The following KNG1 variants were observed in gnomAD, a reference collection of about 807,000 sequenced individuals.
The protein encoded by KNG1 is kininogen 1.
A neutral mutation model predicts 47.8 loss-of-function variants in KNG1; 23 were observed. That is an observed-to-expected ratio of 0.48 (90% confidence interval 0.35 to 0.68). KNG1 has a LOEUF of 0.68. KNG1 is among the 30% of genes least tolerant of loss of function. KNG1 has a pLI of 0.01. For synonymous variants in KNG1, 277 were observed against 277.0 expected, an observed-to-expected ratio of 1.00 and a Z score of 0.00; for missense variants, 762 against 790.2, an observed-to-expected ratio of 0.96 and a Z score of 0.43.
chr3:186,743,751 G>C lies in KNG1; in HGVS notation c.*1420G>C. The C allele has an allele frequency of 1.9e-6, 3 of 1,614,138 alleles. No individual in the cohort carries two copies. Among genetic ancestry groups the C allele is most frequent in the Non-Finnish European group, 2.5e-6 (3 of 1,180,010 alleles). On this transcript the variant is annotated 3_prime_UTR_variant, in exon 10 of 10. Transcript: ENST00000644859. ...TACAAGGGTCGACCCCCAAAGGCAG[G>C]GGCAGAGCCAGCATCTGAGAGGGAG... is the stretch of plus-strand genomic sequence containing the variant.
chr3:186,743,932 C>T lies in KNG1; in HGVS notation c.*1601C>T. The T allele has an allele frequency of 2.8e-6, 2 of 710,106 alleles. No homozygotes were observed. Among genetic ancestry groups the T allele is most frequent in the South Asian group, 3.0e-5 (2 of 66,118 alleles). The allele number at this position is 710,106 out of a possible 1,614,324, so 44.0% of individuals were successfully genotyped here. On this transcript the variant is annotated 3_prime_UTR_variant, in exon 10 of 10. Coordinates refer to ENST00000644859, the MANE Select transcript of KNG1 (RefSeq NM_001102416.3). ...CTCTGCCTCTGGGTGAAATAAAGAT[C>T]AGTCTTGATGTTCTAACTCTAATTC...
At chr3:186,723,901 G>T (rs369797193) in intron 3 of KNG1, among the ~76,000 whole-genome samples, 5 of 152,094 alleles carry the variant, frequency 3.3e-5, no homozygotes, top group South Asian at 2.1e-4. Context: ...TGATCCACCC[G>T]CCTCGGCCTC....
rs369714755 is a variant in KNG1, at chr3:186,734,948, A to C, written c.930+2274A>C. ...CTGTATTACTTTTGTAACTGAAAAA[A>C]AGTAAACAAACTAGATTAAAGTAAA... On this transcript the variant is annotated intron_variant, in intron 7 of 9. Transcript: ENST00000644859. 18 of 152,300 alleles carry C rather than the reference A, an allele frequency of 1.2e-4. 1 individual carries two copies. The highest frequency in any genetic ancestry group is 4.3e-4 in the African/African-American group (18 of 41,582). 9.4% of individuals were successfully genotyped at this position (152,300 alleles called of 1,614,324 possible).
intron 7 of KNG1, 140 bp from the exon 8 acceptor site, chr3:186,738,959 C>A (rs1720734692): frequency 1.4e-6 from 1 of 734,062 alleles, no homozygotes; most frequent in Non-Finnish European, 2.3e-6. Context: ...AGCTTTAATG[C>A]CAAACGTGTA....
At chr3:186,730,897 AT>A (rs1028820570) in intron 5 of KNG1, among the ~76,000 whole-genome samples, 33 of 151,498 alleles carry the variant, frequency 2.2e-4, no homozygotes, top group African/African-American at 7.5e-4. Flanking sequence ...GTTCTTGTTT[AT>A]TTTTTATTCA....
chr3:186,721,160 G>A (rs1720186798), intron 2 of KNG1: 1 of 152,136 alleles, frequency 6.6e-6, no homozygotes, highest in South Asian at 2.1e-4. Context: ...TCTTTTCATG[G>A]ATTGATTCCC....
chr3:186,720,988 A>G (rs1720179571), intron 2 of KNG1, among the ~76,000 whole-genome samples: 2 of 151,772 alleles, frequency 1.3e-5, no homozygotes, highest in South Asian at 4.2e-4. Flanking sequence ...ACCGGGTTTC[A>G]CCGTGTTAGC....
chr3:186,732,841 C>A (rs560622883), intron 7 of KNG1, among the ~76,000 whole-genome samples, 167 bp downstream of exon 7: 4 of 152,202 alleles, frequency 2.6e-5, no homozygotes, highest in African/African-American at 9.6e-5. Context: ...ATGCTTCATC[C>A]CGGACAAGTA....
chr3:186,729,610 AAAACACCTAG>A (rs1192697835), intron 5 of KNG1, among the ~76,000 whole-genome samples: 1 of 152,228 alleles, frequency 6.6e-6, no homozygotes, highest in Non-Finnish European at 1.5e-5. Context: ...CCACTTATAT[AAAACACCTAG>A]AATAGGCAAA....
At chr3:186,740,624 C>A (rs1422220579) in intron 9 of KNG1, among the ~76,000 whole-genome samples, 1 of 152,202 alleles carries the variant, frequency 6.6e-6, no homozygotes, top group Non-Finnish European at 1.5e-5. Context: ...TCTTTTCCCT[C>A]TTTTCTGATT....
intron 6 of KNG1, 66 bp from the exon 7 acceptor site, chr3:186,732,436 C>T: frequency 1.4e-6 from 2 of 1,466,344 alleles, no homozygotes; most frequent in Non-Finnish European, 1.9e-6. Flanking sequence ...GGTTCTTGTG[C>T]AGGAGGGATG....
rs550637261 is a variant in KNG1, at chr3:186,742,614, G to T, written c.*283G>T. On this transcript the variant is annotated 3_prime_UTR_variant, in exon 10 of 10. Transcript: ENST00000644859. ...ATGTGCCGTATGGCCTGCTGCAATT[G>T]GCTTCTCTGATAACAAATATGTACC... is the stretch of plus-strand genomic sequence containing the variant. 2.5e-4 allele frequency: 311 copies of T among 1,245,844 alleles called. No homozygotes were observed. The highest frequency in any genetic ancestry group is 1.3e-3 in the Middle Eastern group (4 of 3,064). The allele number at this position is 1,245,844 out of a possible 1,614,324, so 77.2% of individuals were successfully genotyped here. A position where few individuals can be genotyped will look rare whatever the true frequency, so the allele number is the denominator to read the frequency against.
Position 186,717,488 on chromosome 3 carries a change from G to A in KNG1, c.-55G>A. The A allele has an allele frequency of 7.7e-7, 1 of 1,293,830 alleles. No homozygotes were observed. Among genetic ancestry groups the A allele is most frequent in the Non-Finnish European group, 1.1e-6 (1 of 890,604 alleles). 80.1% of individuals were successfully genotyped at this position (1,293,830 alleles called of 1,614,324 possible). A position where few individuals can be genotyped will look rare whatever the true frequency, so the allele number is the denominator to read the frequency against. On this transcript the variant is annotated 5_prime_UTR_variant, in exon 1 of 10. Transcript: ENST00000644859. ...ATTGTCAAATTCAGTATCCCAGTTG[G>A]CTCTTGATTCTTGGTGAAACCATCC...
intron 5 of KNG1, chr3:186,729,137 A>G (rs1351079181): frequency 6.6e-6 from 1 of 152,254 alleles, no homozygotes; most frequent in Non-Finnish European, 1.5e-5. Flanking sequence ...TTTAACATGC[A>G]GAATATATAA....
At chr3:186,735,628 T>TA (rs112864504) in intron 7 of KNG1, among the ~76,000 whole-genome samples, 42 of 140,990 alleles carry the variant, frequency 3.0e-4, no homozygotes, top group East Asian at 6.4e-4. Flanking sequence ...CAAAAAATAA[T>TA]AAAAAAAAAA....
chr3:186,727,213 A>G (rs1362105457), intron 4 of KNG1, 24 bp from the exon 5 acceptor site: 2 of 1,501,200 alleles, frequency 1.3e-6, no homozygotes, highest in Non-Finnish European at 1.9e-6. Flanking sequence ...TGCCCTTTAA[A>G]TATTCAATCT....
At chr3:186,736,684 A>C (rs1418780617) in intron 7 of KNG1, 1 of 152,210 alleles carries the variant, frequency 6.6e-6, no homozygotes, top group Non-Finnish European at 1.5e-5. Flanking sequence ...GATATATAAG[A>C]CTTGATGCAA....
chr3:186,720,549 T>C, intron 2 of KNG1: 1 of 351,164 alleles, frequency 2.8e-6, no homozygotes, highest in Non-Finnish European at 5.5e-6. Context: ...GGTGCTTCCA[T>C]TGCACAACGT....
chr3:186,731,607 A>C lies in KNG1; in HGVS notation c.735A>C (p.Ser245=). ...IDIQLRIASF[S]QNCDIYPGKD... is the part of the protein sequence containing the mutation. ...TTCAGCTACGAATTGCTTCCTTCTC[A>C]CAGAACTGTGACATTTATCCAGGTA... Residue 245 remains serine (S), a synonymous_variant, in exon 6 of 10, where the codon TCA becomes TCC. Transcript: ENST00000644859. 2.5e-6 allele frequency: 4 copies of C among 1,604,156 alleles called. No individual in the cohort carries two copies. Among genetic ancestry groups the C allele is most frequent in the African/African-American group, 1.3e-5 (1 of 74,854 alleles).
Sources: allele counts gnomAD v4.1 joint callset (sites outside exome capture counted in the v4.1 genomes callset), GRCh38; gene constraint gnomAD v4.1.1; transcripts MANE v1.5; gene names NCBI Gene and HGNC (gene_info 2026-07-23, HGNC 2026-07-21).